SSBP2: variants seen among roughly 807,000 people sequenced by gnomAD.
The protein encoded by SSBP2 is single-stranded DNA-binding protein 2.
Under a neutral mutation model 61.8 loss-of-function variants are expected in SSBP2, and 17 were observed. The observed-to-expected ratio is 0.28, with a 90% CI of 0.19 to 0.41. The LOEUF is 0.41. Among genes scored for constraint, SSBP2 ranks in the 10% least tolerant of loss-of-function variants. The pLI is 1.00. For synonymous variants in SSBP2, 139 were observed against 141.3 expected (o/e 0.98, Z 0.12); for missense variants, 310 against 458.7 (o/e 0.68, Z 2.96).
intron 4 of SSBP2, among the ~76,000 whole-genome samples, chr5:81,597,810 A>AGAAC (rs1201861782): frequency 1.4e-5 from 2 of 143,966 alleles, no homozygotes; most frequent in Non-Finnish European, 3.0e-5. Flanking sequence ...ATGAACAATG[A>AGAAC]GAACACATGG....
chr5:81,609,235 CTG>C (rs1335446167), intron 4 of SSBP2, among the ~76,000 whole-genome samples: 1 of 152,134 alleles, frequency 6.6e-6, no homozygotes, highest in Non-Finnish European at 1.5e-5. Context: ...AGCACTGATA[CTG>C]TGTTTGATTT....
chr5:81,463,886 A>G (rs1764716469), intron 9 of SSBP2, among the ~76,000 whole-genome samples: 2 of 148,152 alleles, frequency 1.3e-5, no homozygotes, highest in Non-Finnish European at 3.0e-5. Flanking sequence ...CTCGTGCCTC[A>G]GTCTCTCAAG....
At chr5:81,745,191 G>A (rs1757277000) in intron 1 of SSBP2, among the ~76,000 whole-genome samples, 1 of 152,014 alleles carries the variant, frequency 6.6e-6, no homozygotes, top group African/African-American at 2.4e-5. Context: ...AAAATAGGTT[G>A]CAGAAGAAGA....
intron 4 of SSBP2, among the ~76,000 whole-genome samples, chr5:81,592,011 G>A (rs2153519307): frequency 6.6e-6 from 1 of 152,374 alleles, no homozygotes; most frequent in Admixed American, 6.5e-5. Context: ...GCAGCGCACT[G>A]TGCGCAAGCC....
chr5:81,716,064 A>AAAC (rs780333430), intron 1 of SSBP2, among the ~76,000 whole-genome samples: 1 of 151,816 alleles, frequency 6.6e-6, no homozygotes, highest in African/African-American at 2.4e-5. Flanking sequence ...CTCAAAAACA[A>AAAC]AACAACAACA....
At chr5:81,576,901 A>G (rs1774255318) in intron 4 of SSBP2, among the ~76,000 whole-genome samples, 1 of 152,094 alleles carries the variant, frequency 6.6e-6, no homozygotes, top group South Asian at 2.1e-4. Flanking sequence ...TGAAAAAAGT[A>G]TATAGTTTTA....
intron 1 of SSBP2, among the ~76,000 whole-genome samples, chr5:81,718,078 T>C (rs1230045357): frequency 6.6e-6 from 1 of 152,112 alleles, no homozygotes; most frequent in Admixed American, 6.5e-5. Flanking sequence ...TTATAAGATT[T>C]TTTCTTCTGA....
rs570452539 is a variant in SSBP2, at chr5:81,487,036, A to AAATTAGTAATTTTAACT, written c.432+2197_432+2213dup. Reference sequence around the variant, plus strand: ...AAGCAGAATTCTGCTGCCGTCAAGTAAATTAGTAATTTTAACTTTCTTGTT... The same window carrying AAATTAGTAATTTTAACT: ...AAGCAGAATTCTGCTGCCGTCAAGTAAATTAGTAATTTTAACTAATTAGTAATTTTAACTTTCTTGTT... On this transcript the variant is annotated intron_variant, in intron 6 of 16. Coordinates refer to ENST00000320672, the MANE Select transcript of SSBP2 (RefSeq NM_012446.5). Among the ~76,000 whole-genome samples the AAATTAGTAATTTTAACT allele has an allele frequency of 9.8e-5, 15 of 152,344 alleles. No individual in the cohort carries two copies. In the East Asian group the frequency reaches 2.9e-3, roughly 29 times the overall value.
chr5:81,725,260 C>T (rs531722430), intron 1 of SSBP2, among the ~76,000 whole-genome samples: 6 of 151,728 alleles, frequency 4.0e-5, no homozygotes, highest in South Asian at 2.1e-4. Context: ...AAAACAAATA[C>T]GTGAAGAGAT....
chr5:81,559,169 T>C (rs1025204526), intron 4 of SSBP2, among the ~76,000 whole-genome samples: 1 of 151,930 alleles, frequency 6.6e-6, no homozygotes, highest in African/African-American at 2.4e-5. Context: ...AGGTGGATCA[T>C]GAGGTCAGGA....
intron 1 of SSBP2, among the ~76,000 whole-genome samples, chr5:81,676,430 A>C (rs1751990163): frequency 6.6e-6 from 1 of 152,172 alleles, no homozygotes; most frequent in South Asian, 2.1e-4. Flanking sequence ...GTAAATATGC[A>C]AGCACGGTCT....
chr5:81,540,527 T>A (rs1471507842), intron 4 of SSBP2, among the ~76,000 whole-genome samples: 2 of 152,226 alleles, frequency 1.3e-5, no homozygotes, highest in Non-Finnish European at 2.9e-5. Context: ...GTTTGTTGGC[T>A]GCATAAATGT....
chr5:81,418,371 A>C lies in SSBP2; in HGVS notation c.*2133T>G, dbSNP rs1467667607. 1 of 152,248 alleles carries C rather than the reference A, an allele frequency of 6.6e-6. No homozygotes were observed. The highest frequency in any genetic ancestry group is 1.5e-5 in the Non-Finnish European group (1 of 68,040). The allele number at this position is 152,248 out of a possible 1,614,324, so 9.4% of individuals were successfully genotyped here. On this transcript the variant is annotated 3_prime_UTR_variant, in exon 17 of 17. Coordinates refer to ENST00000320672, the MANE Select transcript of SSBP2 (RefSeq NM_012446.5). ...CTGAGGCTCATTTTATGATAGTTTAAATCTGCAACATAAATTTAATTCAGC... is the reference window on the plus strand; with the variant it reads ...CTGAGGCTCATTTTATGATAGTTTACATCTGCAACATAAATTTAATTCAGC...
At chr5:81,556,485 G>T (rs1011429300) in intron 4 of SSBP2, among the ~76,000 whole-genome samples, 11 of 152,086 alleles carry the variant, frequency 7.2e-5, no homozygotes, top group African/African-American at 2.7e-4. Context: ...CCATGAAAGA[G>T]AAATTGATAT....
At chr5:81,542,705 C>T (rs1464041422) in intron 4 of SSBP2, among the ~76,000 whole-genome samples, 3 of 152,018 alleles carry the variant, frequency 2.0e-5, no homozygotes, top group African/African-American at 4.8e-5. Flanking sequence ...CCCCATGTGT[C>T]GAGGGAAGGA....
intron 5 of SSBP2, among the ~76,000 whole-genome samples, chr5:81,496,449 G>A (rs538574187): frequency 8.4e-4 from 128 of 152,144 alleles, no homozygotes; most frequent in African/African-American, 2.9e-3. Flanking sequence ...CAAAGTACTG[G>A]GATTACAGGT....
chr5:81,506,277 TGATA>T (rs1768174549), intron 5 of SSBP2, among the ~76,000 whole-genome samples: 1 of 152,148 alleles, frequency 6.6e-6, no homozygotes, highest in Admixed American at 6.5e-5. Flanking sequence ...TCTTGAGGTT[TGATA>T]AATAAGCCAA....
chr5:81,649,931 C>T (rs1749584850), intron 2 of SSBP2, among the ~76,000 whole-genome samples: 3 of 152,050 alleles, frequency 2.0e-5, no homozygotes, highest in African/African-American at 7.2e-5. Context: ...TGATATTGTT[C>T]GAGTGAGAGA....
chr5:81,696,438 T>C (rs182615547), intron 1 of SSBP2, among the ~76,000 whole-genome samples: 33 of 152,288 alleles, frequency 2.2e-4, no homozygotes, highest in Admixed American at 1.3e-4. Context: ...GCCGATGAGC[T>C]ACACGAAGAA....
Sources: allele counts gnomAD v4.1 joint callset (sites outside exome capture counted in the v4.1 genomes callset), GRCh38; gene constraint gnomAD v4.1.1; transcripts MANE v1.5; gene names NCBI Gene and HGNC (gene_info 2026-07-23, HGNC 2026-07-21).